Variants in GRIP1 observed in about 807,000 individuals in gnomAD.
GRIP1 encodes the protein glutamate receptor interacting protein 1, also known as glutamate receptor-interacting protein 1.
In GRIP1, 45 loss-of-function variants were observed where a neutral mutation model predicts 129.9. The ratio of observed to expected loss-of-function variants is 0.35; its 90% confidence interval spans 0.27 to 0.44. The LOEUF (loss-of-function observed/expected upper bound fraction) is 0.44, where lower values mean the gene tolerates loss of function less well. GRIP1 is among the 20% of genes least tolerant of loss of function. GRIP1 has a pLI of 1.00. For synonymous variants in GRIP1, 530 were observed against 520.8 expected, an observed-to-expected ratio of 1.02 and a Z score of -0.24; for missense variants, 1,196 against 1,396.8, an observed-to-expected ratio of 0.86 and a Z score of 2.29.
chr12:66,769,978 A>T (rs115456698), intron 1 of GRIP1, among the ~76,000 whole-genome samples: 38 of 152,348 alleles, frequency 2.5e-4, no homozygotes, highest in African/African-American at 9.1e-4. Flanking sequence ...GAGCTATTCA[A>T]GTATGGCATT....
chr12:66,876,798 T>C (rs1262542101), intron 1 of GRIP1, among the ~76,000 whole-genome samples: 1 of 152,028 alleles, frequency 6.6e-6, no homozygotes, highest in Non-Finnish European at 1.5e-5. Flanking sequence ...CAAAGTTCAG[T>C]CACAGAGGTG....
intron 1 of GRIP1, among the ~76,000 whole-genome samples, chr12:66,638,033 G>A (rs889737729): frequency 6.6e-6 from 1 of 152,208 alleles, no homozygotes; most frequent in Admixed American, 6.5e-5. Context: ...TCCACATGGT[G>A]TATGTAAAGT....
intron 1 of GRIP1, among the ~76,000 whole-genome samples, chr12:66,637,817 TAAAC>T (rs1256845849): frequency 6.6e-6 from 1 of 152,160 alleles, no homozygotes; most frequent in African/African-American, 2.4e-5. Context: ...AGGTCATAAA[TAAAC>T]AGAGTGTAAA....
rs2136798323 is a variant in GRIP1 at position 66,783,083 on chromosome 12, T to C, written c.-420+20970A>G. 2.0e-5 allele frequency among the ~76,000 whole-genome samples: 3 copies of C among 151,714 alleles called. No homozygotes were observed. The Middle Eastern group carries it at 0.01, about 516-fold the overall frequency. ...AGACACTCTGTCACCCAGGCTGGAG[T>C]GCAGTGGCACAATTTTGGCCCACTG... is the stretch of plus-strand genomic sequence containing the variant. On this transcript the variant is annotated intron_variant, in intron 1 of 4. Coordinates refer to the GRIP1 transcript ENST00000538373.
intron 1 of GRIP1, among the ~76,000 whole-genome samples, chr12:66,836,572 A>AT (rs56146687): frequency 0.16 from 24,593 of 152,114 alleles, 2,144 homozygotes; most frequent in East Asian, 0.37. Flanking sequence ...AGTGTGATAC[A>AT]TTTTTTCTGC....
At chr12:66,459,845 G>A (rs767557882) in intron 9 of GRIP1, among the ~76,000 whole-genome samples, 1 of 152,178 alleles carries the variant, frequency 6.6e-6, no homozygotes, top group Non-Finnish European at 1.5e-5. Flanking sequence ...TACTTGATAG[G>A]CAAGTATTTC....
chr12:66,954,512 G>C (rs971470068), intron 1 of GRIP1, among the ~76,000 whole-genome samples: 1 of 152,200 alleles, frequency 6.6e-6, no homozygotes, highest in East Asian at 1.9e-4. Flanking sequence ...TGGTGGTTCT[G>C]GGGTGGGGAG....
intron 2 of GRIP1, among the ~76,000 whole-genome samples, chr12:66,582,622 A>G (rs1174813224): frequency 1.4e-5 from 2 of 138,602 alleles, no homozygotes; most frequent in African/African-American, 5.3e-5. Context: ...ACAGACAAAC[A>G]GAGAGCCAAA....
At chr12:66,861,407 A>C (rs955091662) in intron 1 of GRIP1, among the ~76,000 whole-genome samples, 3 of 152,116 alleles carry the variant, frequency 2.0e-5, no homozygotes, top group Non-Finnish European at 4.4e-5. Flanking sequence ...ATAATAAAAC[A>C]TTTCCTGCAG....
At chr12:66,640,738 A>C (rs191756576) in intron 1 of GRIP1, among the ~76,000 whole-genome samples, 229 of 152,352 alleles carry the variant, frequency 1.5e-3, no homozygotes, top group African/African-American at 5.2e-3. Context: ...TCAAAGAATT[A>C]ATGTTTCAAG....
chr12:66,386,398 C>G (rs1276911533), intron 19 of GRIP1, among the ~76,000 whole-genome samples: 1 of 152,104 alleles, frequency 6.6e-6, no homozygotes, highest in African/African-American at 2.4e-5. Context: ...CTTTGGGAGG[C>G]CGAGGCAGGT....
chr12:66,365,415 C>A (rs2055079476), intron 23 of GRIP1, among the ~76,000 whole-genome samples: 1 of 152,172 alleles, frequency 6.6e-6, no homozygotes, highest in South Asian at 2.1e-4. Context: ...CCAGCCTGGG[C>A]AACAAAGCCA....
At chr12:67,007,311 T>G (rs977032581) in intron 1 of GRIP1, among the ~76,000 whole-genome samples, 1 of 152,162 alleles carries the variant, frequency 6.6e-6, no homozygotes, top group Non-Finnish European at 1.5e-5. Context: ...GGCAACAAGA[T>G]TCATATGCGG....
chr12:66,882,452 C>T (rs1203146277), intron 1 of GRIP1, among the ~76,000 whole-genome samples: 8 of 152,092 alleles, frequency 5.3e-5, no homozygotes, highest in East Asian at 1.9e-4. Context: ...AGGAGCCAGC[C>T]GAGCTGAACC....
At chr12:66,584,349 T>A (rs2063528722) in intron 2 of GRIP1, among the ~76,000 whole-genome samples, 1 of 152,054 alleles carries the variant, frequency 6.6e-6, no homozygotes, top group Admixed American at 6.5e-5. Flanking sequence ...ATGGCACATG[T>A]ATACATATGT....
intron 1 of GRIP1, among the ~76,000 whole-genome samples, chr12:66,920,320 A>G (rs2041192243): frequency 6.6e-6 from 1 of 152,114 alleles, no homozygotes; most frequent in African/African-American, 2.4e-5. Flanking sequence ...TACCCAGCTT[A>G]ATGTCTCCTG....
chr12:66,464,547 T>C (rs1490090072), intron 8 of GRIP1, among the ~76,000 whole-genome samples: 1 of 152,228 alleles, frequency 6.6e-6, no homozygotes, highest in Non-Finnish European at 1.5e-5. Context: ...AGGATTTAAT[T>C]GTCAACAATT....
intron 1 of GRIP1, among the ~76,000 whole-genome samples, chr12:66,661,977 T>C (rs1333911563): frequency 4.6e-5 from 7 of 152,198 alleles, no homozygotes; most frequent in African/African-American, 1.4e-4. Context: ...TTCTCATACG[T>C]AACACTGTAG....
chr12:66,561,511 G>C (rs1204338122), intron 2 of GRIP1, among the ~76,000 whole-genome samples: 1 of 151,850 alleles, frequency 6.6e-6, no homozygotes, highest in African/African-American at 2.4e-5. Context: ...CTGACTTAAA[G>C]AAATAGAAAA....
Sources: gnomAD v4.1 joint callset for allele counts (sites outside exome capture counted in the v4.1 genomes callset) on GRCh38, gnomAD v4.1.1 for gene constraint, MANE v1.5 for transcripts, NCBI Gene and HGNC (gene_info 2026-07-23, HGNC 2026-07-21) for gene names.